The following NCOA2 variants were observed in gnomAD, a reference collection of about 807,000 sequenced individuals.
The protein encoded by NCOA2 is nuclear receptor coactivator 2, also known as class E basic helix-loop-helix protein 75.
Under a neutral mutation model 145.1 loss-of-function variants are expected in NCOA2, and 21 were observed. The ratio of observed to expected loss-of-function variants is 0.14; its 90% CI spans 0.10 to 0.21. The LOEUF (loss-of-function observed/expected upper bound fraction) is 0.21, where lower values mean the gene tolerates loss of function less well. Ranked by LOEUF, NCOA2 falls within the 10% of genes least tolerant of loss-of-function variation. NCOA2 has a pLI of 1.00. For missense variants in NCOA2, 1,472 were observed against 1,837.6 expected, an observed-to-expected ratio of 0.80 and a Z score of 3.64; for synonymous variants, 619 against 637.5, an observed-to-expected ratio of 0.97 and a Z score of 0.44.
intron 4 of NCOA2, among the ~76,000 whole-genome samples, chr8:70,193,589 C>G (rs1037042316): frequency 7.9e-5 from 12 of 152,140 alleles, no homozygotes; most frequent in Non-Finnish European, 1.8e-4. Flanking sequence ...AAAGGATCTA[C>G]AAATTGAAGA....
intron 1 of NCOA2, among the ~76,000 whole-genome samples, chr8:70,390,545 T>C (rs1050070411): frequency 6.6e-6 from 1 of 151,032 alleles, no homozygotes; most frequent in Non-Finnish European, 1.5e-5. Context: ...GGCACAAGGA[T>C]CACTTGAGCC....
chr8:70,407,632 C>CAA (rs764097685), upstream of NCOA2, among the ~76,000 whole-genome samples: 5 of 125,494 alleles, frequency 4.0e-5, no homozygotes, highest in East Asian at 2.2e-4. Context: ...ACTAAAAATA[C>CAA]AAAAAAAAAA....
intron 1 of NCOA2, among the ~76,000 whole-genome samples, chr8:70,310,608 A>G (rs1805031408): frequency 6.6e-6 from 1 of 152,188 alleles, no homozygotes. Context: ...ATACACTTAC[A>G]AATGTACATA....
At chr8:70,427,684 CT>C in the NCOA2 span, among the ~76,000 whole-genome samples, 1 of 152,224 alleles carries the variant, frequency 6.6e-6, no homozygotes, top group Non-Finnish European at 1.5e-5. Flanking sequence ...GCCTCTGCCC[CT>C]GTTCAATTTC....
At chr8:70,260,071 C>A (rs998862522) in intron 2 of NCOA2, among the ~76,000 whole-genome samples, 2 of 152,204 alleles carry the variant, frequency 1.3e-5, no homozygotes, top group African/African-American at 4.8e-5. Flanking sequence ...ACAACCATAA[C>A]CCTCCTTAAC....
At chr8:70,250,836 G>C (rs567957221) in intron 2 of NCOA2, among the ~76,000 whole-genome samples, 4 of 152,212 alleles carry the variant, frequency 2.6e-5, no homozygotes, top group East Asian at 3.9e-4. Flanking sequence ...ATATTAATTT[G>C]TAAACCCATT....
intron 1 of NCOA2, among the ~76,000 whole-genome samples, chr8:70,306,671 G>C (rs537471054): frequency 6.6e-6 from 1 of 152,204 alleles, no homozygotes; most frequent in African/African-American, 2.4e-5. Flanking sequence ...TTGAACTCAG[G>C]AGCTCAAGAT....
chr8:70,426,122 C>T, the NCOA2 span, among the ~76,000 whole-genome samples: 1 of 152,094 alleles, frequency 6.6e-6, no homozygotes, highest in East Asian at 1.9e-4. Context: ...TGCCTCTGGG[C>T]CAAAAGAGAG....
intron 11 of NCOA2, 41 bp from the exon 12 acceptor site, chr8:70,148,524 A>C: frequency 6.3e-7 from 1 of 1,585,306 alleles, no homozygotes; most frequent in Non-Finnish European, 8.6e-7. Flanking sequence ...GTCTACTCTA[A>C]GAGTAGACAC....
At chr8:70,453,898 A>G in the NCOA2 span, among the ~76,000 whole-genome samples, 2 of 152,204 alleles carry the variant, frequency 1.3e-5, no homozygotes, top group African/African-American at 2.4e-5. Flanking sequence ...GCAATATACT[A>G]TTACATTCTA....
intron 2 of NCOA2, among the ~76,000 whole-genome samples, chr8:70,263,050 T>G (rs1289230323): frequency 6.6e-6 from 1 of 151,514 alleles, no homozygotes; most frequent in African/African-American, 2.4e-5. Flanking sequence ...ACTTTTTCAC[T>G]TAAAGGAAGC....
chr8:70,321,306 T>G (rs1369378187), intron 1 of NCOA2, among the ~76,000 whole-genome samples: 2 of 152,044 alleles, frequency 1.3e-5, no homozygotes, highest in Non-Finnish European at 2.9e-5. Flanking sequence ...CCACATTATA[T>G]TCATAAAATA....
At chr8:70,240,318 C>T (rs1300496516) in intron 2 of NCOA2, among the ~76,000 whole-genome samples, 2 of 152,174 alleles carry the variant, frequency 1.3e-5, no homozygotes, top group African/African-American at 4.8e-5. Flanking sequence ...CAGAAAAGTA[C>T]ATGGCCTGGT....
chr8:70,227,984 G>A (rs1238067086), intron 2 of NCOA2, among the ~76,000 whole-genome samples: 5 of 126,194 alleles, frequency 4.0e-5, no homozygotes, highest in Non-Finnish European at 4.7e-5. Flanking sequence ...CAGCCTGGGC[G>A]ACAGAGTGAG....
chr8:70,171,518 C>T (rs138848155), intron 5 of NCOA2, among the ~76,000 whole-genome samples: 260 of 152,288 alleles, frequency 1.7e-3, no homozygotes, highest in African/African-American at 5.5e-3. Context: ...TTACATTACC[C>T]CATTTTTCTC....
chr8:70,452,374 T>G, the NCOA2 span, among the ~76,000 whole-genome samples: 2 of 151,974 alleles, frequency 1.3e-5, no homozygotes, highest in African/African-American at 4.8e-5. Flanking sequence ...GGAATGCAAA[T>G]CAAAACTACA....
intron 1 of NCOA2, among the ~76,000 whole-genome samples, chr8:70,349,181 TATTAAAA>T (rs1808950774): frequency 6.6e-6 from 1 of 152,026 alleles, no homozygotes; most frequent in Non-Finnish European, 1.5e-5. Context: ...TAGTCCCTAC[TATTAAAA>T]TGTGACGTCA....
chr8:70,283,866 A>G (rs548335596), intron 2 of NCOA2, among the ~76,000 whole-genome samples: 1 of 152,308 alleles, frequency 6.6e-6, no homozygotes, highest in South Asian at 2.1e-4. Context: ...TTGGTGCTCA[A>G]AAAGTTGAGA....
At position 70,376,028 on chromosome 8, in the gene NCOA2, C is replaced by T. The variant is rs181533408; in HGVS notation, c.-77+27672G>A. On this transcript the variant is annotated intron_variant, in intron 1 of 22. Transcript: ENST00000452400. Reference sequence around the variant, plus strand: ...TTATTTTCTAAGATTTGGAAAAATACTCTTCCATTCAACTTTAGTAGTAAA... The same window carrying T: ...TTATTTTCTAAGATTTGGAAAAATATTCTTCCATTCAACTTTAGTAGTAAA... 5.6e-4 allele frequency among the ~76,000 whole-genome samples: 85 copies of T among 152,288 alleles called. No homozygotes were observed. In the Middle Eastern group the frequency reaches 0.02, roughly 37 times the overall value.
Sources: gnomAD v4.1 joint callset for allele counts (sites outside exome capture counted in the v4.1 genomes callset) on GRCh38, gnomAD v4.1.1 for gene constraint, MANE v1.5 for transcripts, NCBI Gene and HGNC (gene_info 2026-07-23, HGNC 2026-07-21) for gene names.